FRYL: variants seen among roughly 807,000 people sequenced by gnomAD.
FRYL encodes protein furry homolog-like.
A neutral mutation model predicts 351.2 loss-of-function variants in FRYL; 150 were observed. The observed-to-expected ratio is 0.43, with a 90% CI of 0.37 to 0.49. The LOEUF (loss-of-function observed/expected upper bound fraction) is 0.49. Among genes scored for constraint, FRYL ranks in the 20% least tolerant of loss-of-function variants. The probability of loss-of-function intolerance (pLI) is 0.00; values close to 1 mark genes in which losing one functional copy is unlikely to be tolerated. For synonymous variants in FRYL, 1,153 were observed against 1,257.1 expected (o/e 0.92, Z 1.75); for missense variants, 3,036 against 3,619.3 (o/e 0.84, Z 4.13).
At chr4:48,579,607 T>C (rs1202034869) in intron 22 of FRYL, among the ~76,000 whole-genome samples, 1 of 152,186 alleles carries the variant, frequency 6.6e-6, no homozygotes, top group Admixed American at 6.5e-5. Context: ...CCTGTATCTA[T>C]GTATGTGTGG....
intron 35 of FRYL, 52 bp downstream of exon 35, chr4:48,556,926 T>A (rs1204955103): frequency 7.0e-7 from 1 of 1,419,466 alleles, no homozygotes; most frequent in Non-Finnish European, 9.5e-7. Flanking sequence ...CATCACAAGA[T>A]ACTAGTAAAT....
intron 2 of FRYL, among the ~76,000 whole-genome samples, chr4:48,698,790 G>A (rs1156600941): frequency 6.6e-6 from 1 of 151,928 alleles, no homozygotes; most frequent in Non-Finnish European, 1.5e-5. Flanking sequence ...ATAAGAGTCA[G>A]TAGGCACCAC....
intron 14 of FRYL, 39 bp from the exon 15 acceptor site, chr4:48,595,737 AT>A (rs1479215488): frequency 7.4e-7 from 1 of 1,356,832 alleles, no homozygotes; most frequent in Non-Finnish European, 1.0e-6. Flanking sequence ...AGATCATAAC[AT>A]CAACAGCATA....
At chr4:48,620,869 AAC>A in intron 5 of FRYL, 91 bp from the exon 6 acceptor site, 1 of 1,112,224 alleles carries the variant, frequency 9.0e-7, no homozygotes, top group Non-Finnish European at 1.3e-6. Flanking sequence ...GAAATGAATA[AAC>A]ACAGTAACTC....
At chr4:48,519,648 G>T (rs1289915106) in intron 55 of FRYL, among the ~76,000 whole-genome samples, 5 of 151,804 alleles carry the variant, frequency 3.3e-5, no homozygotes, top group Admixed American at 2.0e-4. Flanking sequence ...GACTACAGGT[G>T]CATGCCACCA....
At chr4:48,551,384 G>A (rs866980948) in intron 37 of FRYL, 110 bp downstream of exon 37, 14 of 594,386 alleles carry the variant, frequency 2.4e-5, no homozygotes, top group African/African-American at 1.7e-4. Flanking sequence ...TTTTTCACTC[G>A]AATTTTAACA....
intron 1 of FRYL, among the ~76,000 whole-genome samples, chr4:48,777,258 A>G (rs2109443463): frequency 6.6e-6 from 1 of 152,392 alleles, no homozygotes; most frequent in East Asian, 1.9e-4. Flanking sequence ...CAGATATTAT[A>G]AACAAATCAC....
In FRYL at chr4:48,634,498, TA is replaced by T. The variant is rs1753844604; in HGVS notation, c.-80-9del. ...TGCTGACTGGCGCTGAAGCTAAAAG[TA>T]AAAGAAACAAAAGAACTCTACTTTA... is the stretch of plus-strand genomic sequence containing the variant. On this transcript the variant is annotated splice_polypyrimidine_tract_variant and intron_variant, in intron 3 of 63. Transcript: ENST00000358350. The T allele has an allele frequency of 6.2e-7, 1 of 1,604,208 alleles. No individual in the cohort carries two copies. The highest frequency in any genetic ancestry group is 1.7e-5 in the Admixed American group (1 of 59,372).
At chr4:48,748,181 G>A (rs180834197) in intron 1 of FRYL, among the ~76,000 whole-genome samples, 52 of 152,212 alleles carry the variant, frequency 3.4e-4, no homozygotes, top group African/African-American at 1.2e-3. Flanking sequence ...GGGAGGCAGA[G>A]GCTGCAGTGA....
intron 39 of FRYL, 152 bp from the exon 40 acceptor site, chr4:48,548,945 G>T (rs1732067768): frequency 5.2e-6 from 3 of 575,106 alleles, no homozygotes; most frequent in Non-Finnish European, 9.3e-6. Context: ...TACAGCTGAA[G>T]AAAACGTTAA....
intron 1 of FRYL, among the ~76,000 whole-genome samples, chr4:48,758,556 G>A (rs533144758): frequency 1.3e-5 from 2 of 152,322 alleles, no homozygotes; most frequent in East Asian, 3.9e-4. Context: ...AGTTAGAATG[G>A]CGATCACTAA....
chr4:48,748,332 C>T (rs763093346), intron 1 of FRYL, among the ~76,000 whole-genome samples: 22 of 152,194 alleles, frequency 1.4e-4, no homozygotes, highest in African/African-American at 4.6e-4. Flanking sequence ...AATAGAACTC[C>T]GAAGTTATAG....
chr4:48,703,004 T>C (rs1050490907), intron 2 of FRYL, among the ~76,000 whole-genome samples: 11 of 152,012 alleles, frequency 7.2e-5, no homozygotes, highest in Admixed American at 7.2e-4. Context: ...GGAGATGAGC[T>C]AAGAAAAGAG....
At chr4:48,557,189 T>C (rs1320435187) in intron 34 of FRYL, 71 bp from the exon 35 acceptor site, 10 of 1,508,802 alleles carry the variant, frequency 6.6e-6, no homozygotes, top group East Asian at 2.3e-5. Flanking sequence ...TGTCATACCA[T>C]GAAATATTAA....
intron 29 of FRYL, 44 bp from the exon 30 acceptor site, chr4:48,565,087 G>A: frequency 8.7e-7 from 1 of 1,149,908 alleles, no homozygotes; most frequent in South Asian, 1.6e-5. Context: ...AATTTAAGAG[G>A]TTAAATGTTG....
At position 48,575,193 on chromosome 4, in the gene FRYL, T is replaced by A; in HGVS notation, c.2770A>T (p.Met924Leu). ...ATTTCCATGCTCTCAGAACGCATCA[T>A]TGGAACTATGTGCTTAAACAAGGAT... The part of the protein sequence containing the change: ...PSSLFKHIVP[M>L]MRSESMEITE... The change falls in exon 25 of 64, where the codon ATG becomes TTG. Residue 924 changes from methionine to leucine, a missense_variant. Met to Leu is a conservative substitution (Grantham distance 15, BLOSUM62 2). Coordinates refer to ENST00000358350, the MANE Select transcript of FRYL (RefSeq NM_015030.2). 1 of 1,613,922 alleles carries A rather than the reference T, an allele frequency of 6.2e-7. No homozygotes were observed.
At chr4:48,603,515 T>G (rs1220455565) in intron 11 of FRYL, 127 bp from the exon 12 acceptor site, 11 of 657,540 alleles carry the variant, frequency 1.7e-5, no homozygotes, top group Non-Finnish European at 2.9e-5. Flanking sequence ...ACTGAAGTAC[T>G]ACAATGTGCC....
intron 4 of FRYL, among the ~76,000 whole-genome samples, chr4:48,630,836 C>A (rs1294010496): frequency 6.6e-6 from 1 of 152,056 alleles, no homozygotes; most frequent in African/African-American, 2.4e-5. Flanking sequence ...TTTTTGAAAC[C>A]TACTACCTGA....
At chr4:48,649,845 A>G (rs1298506661) in intron 3 of FRYL, among the ~76,000 whole-genome samples, 1 of 152,244 alleles carries the variant, frequency 6.6e-6, no homozygotes, top group Non-Finnish European at 1.5e-5. Flanking sequence ...TATAAAAAGT[A>G]GCATTTAACA....
Sources: allele counts gnomAD v4.1 joint callset (sites outside exome capture counted in the v4.1 genomes callset), GRCh38; gene constraint gnomAD v4.1.1; transcripts MANE v1.5; gene names NCBI Gene and HGNC (gene_info 2026-07-23, HGNC 2026-07-21).